Variants in GRIA1 observed in about 807,000 individuals in gnomAD.
GRIA1 encodes the protein glutamate receptor 1.
Under a neutral mutation model 99.2 loss-of-function variants are expected in GRIA1, and 31 were observed. That is an observed-to-expected ratio of 0.31 (90% CI 0.23 to 0.42). The LOEUF is 0.42. Among genes scored for constraint, GRIA1 ranks in the 10% least tolerant of loss-of-function variants. The pLI is 1.00. For synonymous variants in GRIA1, 438 were observed against 432.4 expected, an observed-to-expected ratio of 1.01 and a Z score of -0.16; for missense variants, 782 against 1,157.5, an observed-to-expected ratio of 0.68 and a Z score of 4.71.
At chr5:153,523,969 T>C (rs192289748) in intron 2 of GRIA1, among the ~76,000 whole-genome samples, 2 of 152,306 alleles carry the variant, frequency 1.3e-5, no homozygotes, top group East Asian at 3.9e-4. Flanking sequence ...AGCTTAATTA[T>C]ACAGGAGAAG....
intron 2 of GRIA1, among the ~76,000 whole-genome samples, chr5:153,551,334 G>A (rs761333371): frequency 8.7e-5 from 12 of 137,426 alleles, no homozygotes; most frequent in South Asian, 4.6e-4. Context: ...GAATAAAATC[G>A]GATCTTTTTA....
In GRIA1 at chr5:153,789,216, G is replaced by A. The variant is rs115790988; in HGVS notation, c.2271-5405G>A. Among the ~76,000 whole-genome samples the A allele has an allele frequency of 5.9e-3, 897 of 151,992 alleles. 10 individuals carry two copies. The highest frequency in any genetic ancestry group is 0.021 in the African/African-American group (856 of 41,462). On this transcript the variant is annotated intron_variant, in intron 13 of 15. Coordinates refer to ENST00000285900, the MANE Select transcript of GRIA1 (RefSeq NM_000827.4). ...CAGTTTGTTATTGTTTCTTAAAATT[G>A]TTGTCTAATAATGAGTGCCAGACTC... is the stretch of plus-strand genomic sequence containing the variant.
At chr5:153,511,039 A>T (rs879943706) in intron 2 of GRIA1, among the ~76,000 whole-genome samples, 3 of 152,180 alleles carry the variant, frequency 2.0e-5, no homozygotes, top group African/African-American at 7.2e-5. Flanking sequence ...TAAAATGCTA[A>T]TGTGTCTTGT....
chr5:153,540,593 G>A (rs1292540775), intron 2 of GRIA1, among the ~76,000 whole-genome samples: 1 of 151,960 alleles, frequency 6.6e-6, no homozygotes, highest in Non-Finnish European at 1.5e-5. Context: ...AACCACTCTG[G>A]GCCAGACCCT....
At chr5:153,781,786 G>T (rs13168589) in intron 13 of GRIA1, among the ~76,000 whole-genome samples, 2,038 of 152,196 alleles carry the variant, frequency 0.013, 18 homozygotes, top group Middle Eastern at 0.031. Flanking sequence ...CATGACCATG[G>T]TCATGCAATT....
At chr5:153,679,376 A>T (rs933172971) in intron 7 of GRIA1, among the ~76,000 whole-genome samples, 1 of 152,262 alleles carries the variant, frequency 6.6e-6, no homozygotes, top group Non-Finnish European at 1.5e-5. Flanking sequence ...TTAAGCACCT[A>T]GAATGAAAAA....
chr5:153,654,498 A>T (rs554678763), intron 4 of GRIA1, among the ~76,000 whole-genome samples: 1 of 152,126 alleles, frequency 6.6e-6, no homozygotes, highest in South Asian at 2.1e-4. Flanking sequence ...CCATTTGACA[A>T]GCAGATGAAA....
chr5:153,612,637 A>G (rs1766095151), intron 2 of GRIA1, among the ~76,000 whole-genome samples: 1 of 152,254 alleles, frequency 6.6e-6, no homozygotes, highest in South Asian at 2.1e-4. Context: ...ATAGGGAAGT[A>G]GTTAGGAGAA....
chr5:153,809,180 TA>T (rs1456649105), intron 15 of GRIA1, among the ~76,000 whole-genome samples: 5 of 152,226 alleles, frequency 3.3e-5, no homozygotes, highest in African/African-American at 1.2e-4. Context: ...AATAAAATGT[TA>T]TTTTCTCTTC....
chr5:153,520,549 C>T lies in GRIA1; in HGVS notation c.220+26484C>T, dbSNP rs115324829. ...TAAATGAGGACATCATTAAAATTGT[C>T]TTTGTGGGGGCCCATGGATATGGAA... is the stretch of plus-strand genomic sequence containing the variant. On this transcript the variant is annotated intron_variant, in intron 2 of 15. Transcript: ENST00000285900. 8.9e-3 allele frequency among the ~76,000 whole-genome samples: 1,349 copies of T among 152,180 alleles called. 8 individuals are homozygous for T. Among genetic ancestry groups the T allele is most frequent in the Non-Finnish European group, 0.013 (854 of 68,016 alleles).
At chr5:153,578,403 A>G (rs1762764359) in intron 2 of GRIA1, among the ~76,000 whole-genome samples, 1 of 152,222 alleles carries the variant, frequency 6.6e-6, no homozygotes, top group Admixed American at 6.5e-5. Flanking sequence ...AATTTGTGCA[A>G]TGATTTGAAA....
At chr5:153,609,660 T>C (rs1485195046) in intron 2 of GRIA1, among the ~76,000 whole-genome samples, 1 of 148,534 alleles carries the variant, frequency 6.7e-6, no homozygotes, top group Non-Finnish European at 1.5e-5. Flanking sequence ...ACCTTCCGGG[T>C]TCAGGTCATT....
intron 11 of GRIA1, among the ~76,000 whole-genome samples, chr5:153,719,391 C>G (rs1365064390): frequency 1.3e-5 from 2 of 151,986 alleles, no homozygotes; most frequent in African/African-American, 4.8e-5. Context: ...GATGACTTGT[C>G]TCTGCTTGTA....
chr5:153,500,763 A>G (rs1754938937), intron 2 of GRIA1, among the ~76,000 whole-genome samples: 1 of 151,686 alleles, frequency 6.6e-6, no homozygotes, highest in African/African-American at 2.4e-5. Flanking sequence ...GGGAAAATAT[A>G]TATGTATATA....
chr5:153,686,159 T>C (rs1757325762), intron 7 of GRIA1, 66 bp from the exon 8 acceptor site: 1 of 1,170,372 alleles, frequency 8.5e-7, no homozygotes, highest in African/African-American at 1.5e-5. Flanking sequence ...TCTACTTCAG[T>C]GGAAAAAGCA....
At chr5:153,683,108 A>G (rs1757101928) in intron 7 of GRIA1, among the ~76,000 whole-genome samples, 1 of 152,154 alleles carries the variant, frequency 6.6e-6, no homozygotes, top group Admixed American at 6.5e-5. Flanking sequence ...ATGGGGGGAG[A>G]GAGGGATAAG....
chr5:153,629,750 C>T (rs1466499098), intron 2 of GRIA1, among the ~76,000 whole-genome samples: 1 of 152,216 alleles, frequency 6.6e-6, no homozygotes, highest in Non-Finnish European at 1.5e-5. Context: ...AAGGGATTGC[C>T]CTTCCCTCTG....
At chr5:153,500,726 AT>A (rs1447237545) in intron 2 of GRIA1, among the ~76,000 whole-genome samples, 1 of 151,586 alleles carries the variant, frequency 6.6e-6, no homozygotes, top group Non-Finnish European at 1.5e-5. Flanking sequence ...TTTGAGTTGA[AT>A]TTGGAAAGAT....
intron 14 of GRIA1, among the ~76,000 whole-genome samples, chr5:153,799,019 C>T (rs1462783879): frequency 1.3e-5 from 2 of 152,128 alleles, no homozygotes; most frequent in African/African-American, 2.4e-5. Flanking sequence ...TCACCTGTCA[C>T]TCTTCTTGGT....
Sources: gnomAD v4.1 joint callset for allele counts (sites outside exome capture counted in the v4.1 genomes callset) on GRCh38, gnomAD v4.1.1 for gene constraint, MANE v1.5 for transcripts, NCBI Gene and HGNC (gene_info 2026-07-23, HGNC 2026-07-21) for gene names.